Variants in OCSTAMP observed in about 807,000 individuals in gnomAD.
The protein encoded by OCSTAMP is osteoclast stimulatory transmembrane protein.
A neutral mutation model predicts 25.2 loss-of-function variants in OCSTAMP; 17 were observed. The ratio of observed to expected loss-of-function variants is 0.68; its 90% CI spans 0.46 to 1.01. The LOEUF (loss-of-function observed/expected upper bound fraction) is 1.01. OCSTAMP is among the 50% of genes least tolerant of loss of function. The probability of loss-of-function intolerance (pLI) is 0.00; values close to 1 mark genes in which losing one functional copy is unlikely to be tolerated. For missense variants in OCSTAMP, 664 were observed against 694.6 expected (o/e 0.96, Z 0.50); for synonymous variants, 345 against 318.9 (o/e 1.08, Z -0.87).
In OCSTAMP at chr20:46,541,720, C is replaced by A. The variant is rs1250392442; in HGVS notation, c.1255G>T (p.Glu419Ter). ...QLLAGSTVLLEAYARRLRHAI... is the reference protein window; with the variant it reads ...QLLAGSTVLL ...TGCCGCAGGCGGCGGGCGTAGGCCTCCAGGAGCACCGTGGAGCCCGCCAGG... is the reference window on the plus strand; with the variant it reads ...TGCCGCAGGCGGCGGGCGTAGGCCTACAGGAGCACCGTGGAGCCCGCCAGG... Residue 419 changes from glutamate (E) to a stop codon, truncating the protein, a stop_gained, in exon 3 of 3, where the codon GAG becomes TAG. Coordinates refer to ENST00000279028, the MANE Select transcript of OCSTAMP (RefSeq NM_080721.3). LOFTEE classifies it low-confidence loss of function (END_TRUNC). 4 of 1,548,074 alleles carry A rather than the reference C, an allele frequency of 2.6e-6. No individual in the cohort carries two copies. The highest frequency in any genetic ancestry group is 3.5e-6 in the Non-Finnish European group (4 of 1,146,500).
At chr20:46,543,299 CT>C (rs1334704721) in intron 2 of OCSTAMP, among the ~76,000 whole-genome samples, 526 of 44,704 alleles carry the variant, frequency 0.012, 1 homozygote, top group African/African-American at 0.063. Context: ...TTCTCTCTTT[CT>C]CTTTCCTTTC....
Position 46,546,291 on chromosome 20 carries a change from G to T in OCSTAMP, c.83C>A (p.Ala28Asp). ...GGCGTCCCAGGCAGCCTGCAGTGGGGCAAGGGCCTTCCAGAACCCCAAGTG... is the reference window on the plus strand; with the variant it reads ...GGCGTCCCAGGCAGCCTGCAGTGGGTCAAGGGCCTTCCAGAACCCCAAGTG... ...SWHLGFWKAL[A>D]PLQAAWDAFS... Residue 28 changes from alanine to aspartate, a missense_variant, in exon 2 of 3, where the codon GCC becomes GAC. Physicochemically the swap from Ala to Asp is moderately radical, Grantham distance 126. Coordinates refer to ENST00000279028, the MANE Select transcript of OCSTAMP (RefSeq NM_080721.3). 6.5e-7 allele frequency: 1 copy of T among 1,549,936 alleles called. No individual in the cohort carries two copies. The highest frequency in any genetic ancestry group is 8.7e-7 in the Non-Finnish European group (1 of 1,146,816).
rs879920040 is a variant in OCSTAMP at position 46,541,164 on chromosome 20, C to T, written c.*110G>A. On this transcript the variant is annotated 3_prime_UTR_variant, in exon 3 of 3. Coordinates refer to ENST00000279028, the MANE Select transcript of OCSTAMP (RefSeq NM_080721.3). The stretch of plus-strand genomic sequence containing the variant: ...TTCATGATGCAAGGTCTCCATCTAA[C>T]AAGTAGAGCAGTTGGTGCAGATGAG... 3.2e-6 allele frequency: 2 copies of T among 626,760 alleles called. No individual in the cohort carries two copies. Among genetic ancestry groups the T allele is most frequent in the South Asian group, 1.9e-5 (1 of 51,720 alleles). The allele number at this position is 626,760 out of a possible 1,614,324, so 38.8% of individuals were successfully genotyped here. A position where few individuals can be genotyped will look rare whatever the true frequency, so the allele number is the denominator to read the frequency against.
chr20:46,547,352 T>C (rs1601104091), intron 1 of OCSTAMP, among the ~76,000 whole-genome samples: 1 of 152,094 alleles, frequency 6.6e-6, no homozygotes, highest in Non-Finnish European at 1.5e-5. Context: ...TTATTAGATG[T>C]CTCCCAACTT....
intron 2 of OCSTAMP, 107 bp from the exon 3 acceptor site, chr20:46,542,034 A>C: frequency 7.4e-7 from 1 of 1,347,772 alleles, no homozygotes; most frequent in Non-Finnish European, 9.5e-7. Flanking sequence ...CAAAATGGTT[A>C]CAGAAATAAC....
Position 46,546,179 on chromosome 20 carries a change from C to T in OCSTAMP, c.195G>A (p.Leu65=). Residue 65 remains leucine, a synonymous_variant, in exon 2 of 3, where the codon CTG becomes CTA. Coordinates refer to ENST00000279028, the MANE Select transcript of OCSTAMP (RefSeq NM_080721.3). ...CASLAAAAAG[L]VYHWLASLLL... is the part of the protein sequence containing the mutation. Reference sequence around the variant, plus strand: ...GCAAGGATGCCAGCCAGTGATAAACCAGACCTGCAGCAGCAGCAGCCAGGG... The same window carrying T: ...GCAAGGATGCCAGCCAGTGATAAACTAGACCTGCAGCAGCAGCAGCCAGGG... The T allele has an allele frequency of 6.4e-7, 1 of 1,551,804 alleles. No individual in the cohort carries two copies. The highest frequency in any genetic ancestry group is 1.4e-5 in the African/African-American group (1 of 73,172).
Position 46,541,557 on chromosome 20 carries a change from C to G in OCSTAMP, c.1418G>C (p.Arg473Thr), listed in dbSNP as rs1184136769. 6.4e-7 allele frequency: 1 copy of G among 1,551,726 alleles called. No individual in the cohort carries two copies. The highest frequency in any genetic ancestry group is 1.2e-5 in the South Asian group (1 of 84,064). The change falls in exon 3 of 3, where the codon AGA becomes ACA. Residue 473 changes from arginine to threonine, a missense_variant. Coordinates refer to ENST00000279028, the MANE Select transcript of OCSTAMP (RefSeq NM_080721.3). ...LGDPSCVPTP[R>T]PACKPPAWID... is the part of the protein sequence containing the mutation. ...CCATGCCGGAGGCTTGCAGGCAGGT[C>G]TGGGTGTGGGGACGCAAGAAGGATC... is the stretch of plus-strand genomic sequence containing the variant.
At chr20:46,545,290 C>G (rs1284594138) in intron 2 of OCSTAMP, 37 bp downstream of exon 2, 1 of 1,439,276 alleles carries the variant, frequency 6.9e-7, no homozygotes, top group South Asian at 1.5e-5. Context: ...GCCCTCAAAA[C>G]AATGACTCCC....
Position 46,550,530 on chromosome 20 carries a change from G to A in OCSTAMP, c.31C>T (p.Leu11Phe), listed in dbSNP as rs1470905957. The A allele has an allele frequency of 1.3e-6, 2 of 1,551,720 alleles. No homozygotes were observed. The highest frequency in any genetic ancestry group is 2.0e-5 in the Admixed American group (1 of 51,006). MPGHPGAAEQ[L>F]VKTGWRSWHL... Reference sequence around the variant, plus strand: ...CCCCAGACCTACCCGGTCTTGACAAGTTGCTCAGCTGCTCCTGGGTGGCCT... The same window carrying A: ...CCCCAGACCTACCCGGTCTTGACAAATTGCTCAGCTGCTCCTGGGTGGCCT... The change falls in exon 1 of 3, where the codon CTT becomes TTT. Residue 11 changes from leucine (L) to phenylalanine (F), a missense_variant. By Grantham distance (22) the Leu-to-Phe change is conservative (BLOSUM62 0). Coordinates refer to ENST00000279028, the MANE Select transcript of OCSTAMP (RefSeq NM_080721.3).
intron 2 of OCSTAMP, 129 bp from the exon 3 acceptor site, chr20:46,542,056 G>A (rs2061836331): frequency 1.5e-6 from 2 of 1,300,330 alleles, no homozygotes; most frequent in Admixed American, 3.7e-5. Context: ...CGTTTCCCAG[G>A]GTTTGAGGAG....
At position 46,546,062 on chromosome 20, in the gene OCSTAMP, G is replaced by A. The variant is rs2061851307; in HGVS notation, c.312C>T (p.Cys104=). 6.4e-6 allele frequency: 10 copies of A among 1,551,618 alleles called. No individual in the cohort carries two copies. In the South Asian group the frequency reaches 1.2e-4, roughly 18 times the overall value. Residue 104 remains cysteine (C), a synonymous_variant, in exon 2 of 3, where the codon TGC becomes TGT. Coordinates refer to ENST00000279028, the MANE Select transcript of OCSTAMP (RefSeq NM_080721.3). ...GGGTGGGCACGCTGAGTGCAAACAG[G>A]CAGCGGACTGGGGGTACCAGGCCCA... is the stretch of plus-strand genomic sequence containing the variant. The part of the protein sequence containing the change: ...LSLGLVPPVR[C]LFALSVPTLG...
rs762327814 is a variant in OCSTAMP at position 46,546,117 on chromosome 20, G to C, written c.257C>G (p.Thr86Ser). The stretch of plus-strand genomic sequence containing the variant: ...CAGGAAGACCAGGAGGCCACAGACA[G>C]TGGCAACCATGGCTGAAGGTCCAGG... Reference protein sequence around the residue: ...YPPGPSAMVATVCGLLVFLSL... With the variant: ...YPPGPSAMVASVCGLLVFLSL... The change falls in exon 2 of 3, where the codon ACT becomes AGT. Residue 86 changes from threonine (T) to serine (S), a missense_variant. Transcript: ENST00000279028. The C allele has an allele frequency of 3.2e-5, 49 of 1,551,670 alleles. No individual in the cohort carries two copies. The South Asian group carries it at 5.7e-4, about 18-fold the overall frequency.
intron 2 of OCSTAMP, among the ~76,000 whole-genome samples, chr20:46,543,213 T>TCTTC (rs1249406405): frequency 6.7e-6 from 1 of 149,470 alleles, no homozygotes; most frequent in Non-Finnish European, 1.5e-5. Context: ...CTTTTTTCTT[T>TCTTC]CTTCCTTCCT....
chr20:46,542,264 G>T (rs1456443439), intron 2 of OCSTAMP, among the ~76,000 whole-genome samples: 3 of 152,162 alleles, frequency 2.0e-5, no homozygotes, highest in African/African-American at 7.2e-5. Context: ...TATGGGTCGA[G>T]CCCAGGAGGA....
chr20:46,541,987 T>C, intron 2 of OCSTAMP, 60 bp from the exon 3 acceptor site: 1 of 1,383,072 alleles, frequency 7.2e-7, no homozygotes, highest in African/African-American at 1.5e-5. Context: ...TCCCCACCTC[T>C]AGGAGAGGCT....
At position 46,550,595 on chromosome 20, in the gene OCSTAMP, C is replaced by T. The variant is rs16991469; in HGVS notation, c.-35G>A. 4.4e-4 allele frequency: 686 copies of T among 1,550,462 alleles called. 5 individuals carry two copies. In the African/African-American group the frequency reaches 8.5e-3, roughly 19 times the overall value. On this transcript the variant is annotated 5_prime_UTR_variant, in exon 1 of 3. Transcript: ENST00000279028. The stretch of plus-strand genomic sequence containing the variant: ...ATGGCAGTGGTTTCAGGCGGGCGGT[C>T]GCTGGCAGCTGTGGCAGGTGGAGAG...
chr20:46,549,704 T>C (rs1028496937), intron 1 of OCSTAMP, among the ~76,000 whole-genome samples: 1 of 150,870 alleles, frequency 6.6e-6, no homozygotes, highest in Non-Finnish European at 1.5e-5. Flanking sequence ...ACCAGAACAG[T>C]GGGAAGCTGA....
intron 1 of OCSTAMP, among the ~76,000 whole-genome samples, chr20:46,549,251 A>G (rs1428468645): frequency 6.6e-6 from 1 of 152,198 alleles, no homozygotes; most frequent in Non-Finnish European, 1.5e-5. Flanking sequence ...AGGGTCTGGC[A>G]CAGAAGAGGG....
intron 2 of OCSTAMP, among the ~76,000 whole-genome samples, chr20:46,543,268 T>C (rs1443565117): frequency 6.7e-6 from 1 of 149,934 alleles, no homozygotes; most frequent in East Asian, 1.9e-4. Context: ...TTCTTTCTTT[T>C]CTTTCTCTCT....
Sources: allele counts gnomAD v4.1 joint callset (sites outside exome capture counted in the v4.1 genomes callset), GRCh38; gene constraint gnomAD v4.1.1; transcripts MANE v1.5; gene names NCBI Gene and HGNC (gene_info 2026-07-23, HGNC 2026-07-21).